BRINP1: variants seen among roughly 807,000 people sequenced by gnomAD.
BRINP1 encodes the protein BMP/retinoic acid inducible neural specific 1.
In BRINP1, 17 loss-of-function variants were observed where a neutral mutation model predicts 72.9. The observed-to-expected ratio is 0.23, with a 90% CI of 0.16 to 0.35. BRINP1 has a LOEUF of 0.35. BRINP1 is among the 10% of genes least tolerant of loss of function. The pLI is 1.00. For missense variants in BRINP1, 850 were observed against 1,001.6 expected (o/e 0.85, Z 2.04); for synonymous variants, 418 against 378.5 (o/e 1.10, Z -1.21).
At chr9:119,347,516 CATT>C (rs1043589067) in intron 1 of BRINP1, among the ~76,000 whole-genome samples, 1 of 152,016 alleles carries the variant, frequency 6.6e-6, no homozygotes, top group African/African-American at 2.4e-5. Flanking sequence ...TATTATTGGA[CATT>C]ATTATTATTA....
At chr9:119,355,932 T>A (rs1017385432) in intron 1 of BRINP1, among the ~76,000 whole-genome samples, 1 of 151,444 alleles carries the variant, frequency 6.6e-6, no homozygotes, top group African/African-American at 2.4e-5. Flanking sequence ...AAGGGGACAC[T>A]TTTTTTTTCC....
chr9:119,210,581 T>C (rs1829912053), intron 6 of BRINP1, among the ~76,000 whole-genome samples: 1 of 152,156 alleles, frequency 6.6e-6, no homozygotes, highest in African/African-American at 2.4e-5. Context: ...AATCCTGTGT[T>C]CTTACTTAGT....
At chr9:119,219,647 GA>G in intron 5 of BRINP1, among the ~76,000 whole-genome samples, 1 of 1,014 alleles carries the variant, frequency 9.9e-4, no homozygotes, top group African/African-American at 6.3e-3. Flanking sequence ...ACTGTTTACT[GA>G]GAGAGAGAGA....
chr9:119,354,022 T>G (rs1831533197), intron 1 of BRINP1, among the ~76,000 whole-genome samples: 1 of 151,658 alleles, frequency 6.6e-6, no homozygotes, highest in East Asian at 1.9e-4. Flanking sequence ...GAGAAAGAGG[T>G]GAAACTTACA....
chr9:119,344,125 C>G (rs1477939631), intron 1 of BRINP1, among the ~76,000 whole-genome samples: 1 of 152,102 alleles, frequency 6.6e-6, no homozygotes, highest in East Asian at 1.9e-4. Context: ...TGCTGTGATT[C>G]TTTTTGTTTC....
At chr9:119,309,533 G>A (rs931957421) in intron 2 of BRINP1, among the ~76,000 whole-genome samples, 1 of 152,178 alleles carries the variant, frequency 6.6e-6, no homozygotes, top group African/African-American at 2.4e-5. Context: ...AGTCTTAACA[G>A]AAAGTGAAAA....
intron 7 of BRINP1, among the ~76,000 whole-genome samples, chr9:119,187,879 A>G (rs1293498072): frequency 2.0e-5 from 3 of 152,222 alleles, no homozygotes; most frequent in Non-Finnish European, 4.4e-5. Context: ...AAAGAACCAA[A>G]GAGAAATCTT....
chr9:119,353,880 T>C (rs1005083953), intron 1 of BRINP1, among the ~76,000 whole-genome samples: 7 of 132,270 alleles, frequency 5.3e-5, no homozygotes, highest in East Asian at 2.6e-4. Flanking sequence ...CACGGTGAGA[T>C]AATTGAGACC....
At position 119,167,194 on chromosome 9, in the gene BRINP1, G is replaced by A; in HGVS notation, c.2176C>T (p.His726Tyr). 6.2e-7 allele frequency: 1 copy of A among 1,614,130 alleles called. No homozygotes were observed. The highest frequency in any genetic ancestry group is 8.5e-7 in the Non-Finnish European group (1 of 1,180,034). ...QLDLFSCMLKHRLKLTNSEII... is the reference protein window; with the variant it reads ...QLDLFSCMLKYRLKLTNSEII... Reference sequence around the variant, plus strand: ...TCGCTGTTGGTCAGTTTCAGGCGGTGTTTCAGCATACAGGAGAACAAGTCC... The same window carrying A: ...TCGCTGTTGGTCAGTTTCAGGCGGTATTTCAGCATACAGGAGAACAAGTCC... The change falls in exon 8 of 8, where the codon CAC becomes TAC. Residue 726 changes from histidine to tyrosine, a missense_variant. Physicochemically the swap from His to Tyr is moderately conservative, Grantham distance 83 (BLOSUM62 2). Transcript: ENST00000265922. This position sits in a 1 kb window ranked among gnomAD's most constrained non-coding sequence, Gnocchi z 4.3.
At chr9:119,173,486 T>TACAA (rs1829443403) in intron 7 of BRINP1, among the ~76,000 whole-genome samples, 1 of 151,740 alleles carries the variant, frequency 6.6e-6, no homozygotes, top group Non-Finnish European at 1.5e-5. Context: ...TAAAAGAGGA[T>TACAA]ACAAACAAAT....
chr9:119,319,827 T>C (rs1236651452), intron 1 of BRINP1, among the ~76,000 whole-genome samples: 4 of 152,222 alleles, frequency 2.6e-5, no homozygotes, highest in African/African-American at 9.6e-5. Context: ...AATATCCCAT[T>C]ACACAGTCTG....
chr9:119,279,439 GC>G (rs1256964920), intron 2 of BRINP1, among the ~76,000 whole-genome samples: 2 of 152,204 alleles, frequency 1.3e-5, no homozygotes, highest in East Asian at 3.8e-4. Flanking sequence ...TGTGTTCACA[GC>G]CCAGTCTCCC....
At chr9:119,175,683 A>G (rs1335266804) in intron 7 of BRINP1, among the ~76,000 whole-genome samples, 2 of 152,162 alleles carry the variant, frequency 1.3e-5, no homozygotes, top group African/African-American at 4.8e-5. Flanking sequence ...ATTCTAATGA[A>G]GACAGATATT....
At chr9:119,188,508 A>T (rs950821251) in intron 7 of BRINP1, among the ~76,000 whole-genome samples, 1 of 152,172 alleles carries the variant, frequency 6.6e-6, no homozygotes, top group African/African-American at 2.4e-5. Context: ...CACATCTGTA[A>T]TCTCAAAGAC....
At chr9:119,171,432 C>A (rs1564208413) in intron 7 of BRINP1, among the ~76,000 whole-genome samples, 1 of 148,014 alleles carries the variant, frequency 6.8e-6, no homozygotes. Context: ...GAAGAGCTAA[C>A]TATCCTAAAT....
chr9:119,221,297 G>T (rs1830039276), intron 5 of BRINP1, among the ~76,000 whole-genome samples: 1 of 152,050 alleles, frequency 6.6e-6, no homozygotes, highest in South Asian at 2.1e-4. Flanking sequence ...TTTGCAAAAA[G>T]TCAGCCTGAT....
intron 1 of BRINP1, among the ~76,000 whole-genome samples, chr9:119,360,317 A>G (rs1026549316): frequency 6.6e-6 from 1 of 152,152 alleles, no homozygotes; most frequent in Non-Finnish European, 1.5e-5. Context: ...AATGGCCCCT[A>G]TGCTTGTGCA....
intron 1 of BRINP1, among the ~76,000 whole-genome samples, chr9:119,346,658 A>G (rs1831455942): frequency 6.6e-6 from 1 of 152,222 alleles, no homozygotes; most frequent in Non-Finnish European, 1.5e-5. Context: ...GATTGTAACA[A>G]TAGAATCGCA....
intron 1 of BRINP1, among the ~76,000 whole-genome samples, chr9:119,360,805 G>A (rs1429631961): frequency 6.6e-6 from 1 of 152,264 alleles, no homozygotes; most frequent in East Asian, 1.9e-4. Context: ...AAACCTCCCA[G>A]GGCCAGTACT....
Sources: gnomAD v4.1 joint callset for allele counts (sites outside exome capture counted in the v4.1 genomes callset) on GRCh38, gnomAD v4.1.1 for gene constraint, Gnocchi (gnomAD v3.1) non-coding constraint, MANE v1.5 for transcripts, NCBI Gene and HGNC (gene_info 2026-07-23, HGNC 2026-07-21) for gene names.